Variants in CD2 observed in about 807,000 individuals in gnomAD.
CD2 encodes CD2 molecule, also known as T-cell surface antigen CD2.
In CD2, 18 loss-of-function variants were observed where a neutral mutation model predicts 23.2. The observed-to-expected ratio is 0.77, with a 90% CI of 0.54 to 1.15. CD2 has a LOEUF of 1.15. CD2 is among the 50% of genes most tolerant of loss of function. The probability of loss-of-function intolerance (pLI) is 0.00; values close to 1 mark genes in which losing one functional copy is unlikely to be tolerated. For missense variants in CD2, 424 were observed against 423.1 expected (o/e 1.00, Z -0.02); for synonymous variants, 162 against 151.9 (o/e 1.07, Z -0.49).
At chr1:116,762,917 C>T (rs1174386268) in intron 3 of CD2, among the ~76,000 whole-genome samples, 2 of 152,194 alleles carry the variant, frequency 1.3e-5, no homozygotes, top group African/African-American at 4.8e-5. Flanking sequence ...TTGTGGCCAC[C>T]CTACCCGATG....
At chr1:116,761,171 G>C (rs367719278) in intron 3 of CD2, among the ~76,000 whole-genome samples, 1 of 152,140 alleles carries the variant, frequency 6.6e-6, no homozygotes, top group African/African-American at 2.4e-5. Flanking sequence ...GGACGGCAAG[G>C]CTTGGGGACT....
In CD2 at chr1:116,768,602, C is replaced by G; in HGVS notation, c.875C>G (p.Ala292Gly). ...PPPPPGHRSQ[A>G]PSHRPPPPGH... ...CCACCACCTGGTCATCGTTCCCAGG[C>G]ACCTAGTCATCGTCCCCCGCCTCCT... Residue 292 changes from alanine to glycine, a missense_variant, in exon 5 of 5, where the codon GCA becomes GGA. Ala to Gly is a moderately conservative substitution (Grantham distance 60). Transcript: ENST00000369478. 6.2e-7 allele frequency: 1 copy of G among 1,614,104 alleles called. No individual in the cohort carries two copies. The highest frequency in any genetic ancestry group is 8.5e-7 in the Non-Finnish European group (1 of 1,180,028).
intron 4 of CD2, among the ~76,000 whole-genome samples, chr1:116,765,622 A>T (rs903900692): frequency 4.6e-5 from 7 of 152,054 alleles, no homozygotes; most frequent in Non-Finnish European, 1.0e-4. Context: ...TCCCACCACG[A>T]CTGTCCCACA....
chr1:116,759,823 C>T (rs2101159984), intron 2 of CD2, among the ~76,000 whole-genome samples: 1 of 152,280 alleles, frequency 6.6e-6, no homozygotes, highest in East Asian at 1.9e-4. Context: ...TCCTTGGACA[C>T]CCACACACTC....
At chr1:116,763,325 C>A (rs1652114248) in intron 3 of CD2, among the ~76,000 whole-genome samples, 1 of 152,212 alleles carries the variant, frequency 6.6e-6, no homozygotes, top group Non-Finnish European at 1.5e-5. Context: ...CCATCCTGGG[C>A]TTCATGTATA....
rs780415033 is a variant in CD2, at chr1:116,756,189, T to C, written c.382+1238T>C. The stretch of plus-strand genomic sequence containing the variant: ...GAGTGGAGAGCACCTTGTAGAAATG[T>C]AGTGGGGTTGAGCATGGCGCTGAAA... On this transcript the variant is annotated intron_variant, in intron 2 of 4. Coordinates refer to ENST00000369478, the MANE Select transcript of CD2 (RefSeq NM_001767.5). Among the ~76,000 whole-genome samples the C allele has an allele frequency of 3.3e-5, 5 of 152,016 alleles. No individual in the cohort carries two copies. In the South Asian group the frequency reaches 8.3e-4, roughly 25 times the overall value.
chr1:116,757,515 C>T (rs1651892740), intron 2 of CD2, among the ~76,000 whole-genome samples: 2 of 152,038 alleles, frequency 1.3e-5, no homozygotes, highest in Non-Finnish European at 2.9e-5. Context: ...AGGTACTACT[C>T]CACAAGGGTG....
intron 3 of CD2, among the ~76,000 whole-genome samples, chr1:116,764,101 G>A (rs932441287): frequency 5.9e-5 from 9 of 151,736 alleles, no homozygotes; most frequent in Admixed American, 3.3e-4. Flanking sequence ...GTGTGGCTTC[G>A]GGCAACTCAT....
intron 4 of CD2, among the ~76,000 whole-genome samples, chr1:116,766,995 T>C (rs1652235968): frequency 6.6e-6 from 1 of 152,082 alleles, no homozygotes; most frequent in South Asian, 2.1e-4. Context: ...GGGCCAGGGG[T>C]TAGAGCCCTC....
At chr1:116,758,253 G>A (rs1235086294) in intron 2 of CD2, among the ~76,000 whole-genome samples, 2 of 152,092 alleles carry the variant, frequency 1.3e-5, no homozygotes, top group African/African-American at 4.8e-5. Flanking sequence ...CGGATGCTGG[G>A]CAGGGAGTGA....
intron 2 of CD2, among the ~76,000 whole-genome samples, chr1:116,759,428 GA>G (rs58364188): frequency 0.15 from 20,917 of 139,002 alleles, 1,743 homozygotes; most frequent in East Asian, 0.28. Flanking sequence ...TAAAGAATGA[GA>G]AAAAAAAAAA....
At chr1:116,765,484 A>G (rs1358253175) in intron 4 of CD2, among the ~76,000 whole-genome samples, 1 of 151,902 alleles carries the variant, frequency 6.6e-6, no homozygotes, top group African/African-American at 2.4e-5. Context: ...TGGCTTCTTT[A>G]CCTCAGATTT....
intron 2 of CD2, among the ~76,000 whole-genome samples, chr1:116,755,271 G>A (rs113795286): frequency 5.9e-5 from 9 of 152,342 alleles, no homozygotes; most frequent in African/African-American, 2.2e-4. Flanking sequence ...AAAGGCAACT[G>A]TTCCAGGTTG....
At chr1:116,766,254 G>A (rs1389663495) in intron 4 of CD2, among the ~76,000 whole-genome samples, 1 of 152,220 alleles carries the variant, frequency 6.6e-6, no homozygotes, top group East Asian at 1.9e-4. Flanking sequence ...GCTGGAGTGG[G>A]TAGGCTGAGG....
At position 116,760,597 on chromosome 1, in the gene CD2, G is replaced by T; in HGVS notation, c.578G>T (p.Ser193Ile). 1 of 1,614,236 alleles carries T rather than the reference G, an allele frequency of 6.2e-7. No individual in the cohort carries two copies. The highest frequency in any genetic ancestry group is 8.5e-7 in the Non-Finnish European group (1 of 1,180,050). ...KFKCTAGNKV[S>I]KESSVEPVSC... ...AAGTGCACAGCAGGGAACAAAGTCA[G>T]CAAGGAATCCAGTGTCGAGCCTGTC... is the stretch of plus-strand genomic sequence containing the variant. Residue 193 changes from serine to isoleucine, a missense_variant, in exon 3 of 5, where the codon AGC becomes ATC. Physicochemically the swap from Ser to Ile is moderately radical, Grantham distance 142 (BLOSUM62 -2). Transcript: ENST00000369478.
At chr1:116,760,691 A>AT (rs1652022374) in intron 3 of CD2, 59 bp downstream of exon 3, 1 of 1,325,602 alleles carries the variant, frequency 7.5e-7, no homozygotes, top group African/African-American at 1.4e-5. Flanking sequence ...AGGCAGAGGC[A>AT]TGCTGCTCCA....
At chr1:116,759,130 C>G (rs955831198) in intron 2 of CD2, among the ~76,000 whole-genome samples, 9 of 152,166 alleles carry the variant, frequency 5.9e-5, no homozygotes, top group African/African-American at 1.4e-4. Flanking sequence ...AACTTCGTGA[C>G]CCAACCTCTA....
chr1:116,760,642 G>A lies in CD2; in HGVS notation c.613+10G>A, dbSNP rs550833043. The A allele has an allele frequency of 1.2e-5, 20 of 1,607,514 alleles. No homozygotes were observed. Among genetic ancestry groups the A allele is most frequent in the South Asian group, 6.6e-5 (6 of 90,852 alleles). Reference sequence around the variant, plus strand: ...CCTGTCAGCTGTCCAGGTGCGTGGCGGGCATCACTTCACAAACACAGCCTG... The same window carrying A: ...CCTGTCAGCTGTCCAGGTGCGTGGCAGGCATCACTTCACAAACACAGCCTG... On this transcript the variant is annotated intron_variant, in intron 3 of 4. Transcript: ENST00000369478.
intron 2 of CD2, among the ~76,000 whole-genome samples, chr1:116,756,808 G>A (rs566036636): frequency 6.6e-6 from 1 of 152,164 alleles, no homozygotes; most frequent in South Asian, 2.1e-4. Context: ...ACTATTACCA[G>A]ACTTAAGGTG....
Sources: gnomAD v4.1 joint callset for allele counts (sites outside exome capture counted in the v4.1 genomes callset) on GRCh38, gnomAD v4.1.1 for gene constraint, MANE v1.5 for transcripts, NCBI Gene and HGNC (gene_info 2026-07-23, HGNC 2026-07-21) for gene names.